The following PPP1CC variants were observed in gnomAD, a reference collection of about 807,000 sequenced individuals.
PPP1CC encodes serine/threonine-protein phosphatase PP1-gamma catalytic subunit.
PPP1CC carries 16 observed loss-of-function variants against 38.4 expected under a neutral mutation model. The observed-to-expected ratio is 0.42, with a 90% confidence interval of 0.28 to 0.63. The LOEUF (loss-of-function observed/expected upper bound fraction) is 0.63, where lower values mean the gene tolerates loss of function less well. Among genes scored for constraint, PPP1CC ranks in the 30% least tolerant of loss-of-function variants. The probability of loss-of-function intolerance (pLI) is 0.25; values close to 1 mark genes in which losing one functional copy is unlikely to be tolerated. For missense variants in PPP1CC, 170 were observed against 391.3 expected, an observed-to-expected ratio of 0.43 and a Z score of 4.77; for synonymous variants, 158 against 136.0, an observed-to-expected ratio of 1.16 and a Z score of -1.13.
the PPP1CC span, among the ~76,000 whole-genome samples, chr12:110,712,006 C>T: frequency 3.3e-5 from 5 of 152,008 alleles, no homozygotes; most frequent in East Asian, 5.8e-4. Flanking sequence ...AATGATGGAC[C>T]GCATATGTGA....
chr12:110,711,413 C>T, the PPP1CC span, among the ~76,000 whole-genome samples: 1 of 151,798 alleles, frequency 6.6e-6, no homozygotes, highest in Admixed American at 6.6e-5. Flanking sequence ...CAAAATTTAA[C>T]AGTATATTGC....
intron 4 of PPP1CC, among the ~76,000 whole-genome samples, chr12:110,723,645 G>A (rs1189438503): frequency 2.0e-5 from 3 of 152,054 alleles, no homozygotes; most frequent in South Asian, 2.1e-4. Flanking sequence ...AAATAGCTAC[G>A]GCTACAGGTG....
rs1033083339 is a variant in PPP1CC at position 110,742,844 on chromosome 12, A to AC, written c.-138dup. 1 of 542,740 alleles carries AC rather than the reference A, an allele frequency of 1.8e-6. No individual in the cohort carries two copies. Among genetic ancestry groups the AC allele is most frequent in the Non-Finnish European group, 2.9e-6 (1 of 344,922 alleles). The allele number at this position is 542,740 out of a possible 1,614,324, so 33.6% of individuals were successfully genotyped here. A position where few individuals can be genotyped will look rare whatever the true frequency, so the allele number is the denominator to read the frequency against. On this transcript the variant is annotated 5_prime_UTR_variant, in exon 1 of 7. Transcript: ENST00000335007. ...AGCCGCGGCGGGTCCCCCCCCTGCC[A>AC]CCCCGCTCCCTACTTCCTCCTTCTC... is the stretch of plus-strand genomic sequence containing the variant.
At chr12:110,742,444 C>T (rs994912033) in intron 1 of PPP1CC, among the ~76,000 whole-genome samples, 2 of 152,182 alleles carry the variant, frequency 1.3e-5, no homozygotes, top group African/African-American at 4.8e-5. Flanking sequence ...ATGAGCGGAG[C>T]CTGGAGGGTC....
intron 3 of PPP1CC, among the ~76,000 whole-genome samples, chr12:110,727,806 TC>T (rs963247083): frequency 6.6e-6 from 1 of 152,166 alleles, no homozygotes; most frequent in African/African-American, 2.4e-5. Context: ...AAGGGCACTT[TC>T]ATGCCCACAA....
intron 1 of PPP1CC, among the ~76,000 whole-genome samples, 191 bp downstream of exon 1, chr12:110,742,462 G>A (rs559197837): frequency 6.8e-4 from 103 of 152,278 alleles, no homozygotes; most frequent in African/African-American, 2.0e-3. Flanking sequence ...GTCCGCAGCT[G>A]GCGACAAGTT....
rs779378407 is a variant in PPP1CC at position 110,731,807 on chromosome 12, A to C, written c.150T>G (p.Pro50=). The change falls in exon 2 of 7, where the codon CCT becomes CCG. Residue 50 remains proline (P), a synonymous_variant. Transcript: ENST00000335007. The part of the protein sequence containing the change: ...LKSREIFLSQ[P]ILLELEAPLK... The stretch of plus-strand genomic sequence containing the variant: ...GTGGTGCTTCAAGTTCTAGTAGGAT[A>C]GGCTGACTGAGAAAGATTTCACGAG... 1 of 1,613,528 alleles carries C rather than the reference A, an allele frequency of 6.2e-7. No homozygotes were observed. The highest frequency in any genetic ancestry group is 8.5e-7 in the Non-Finnish European group (1 of 1,179,482).
rs1484750892 is a variant in PPP1CC at position 110,720,774 on chromosome 12, T to C, written c.*302A>G. ...GTTGTACTGAATTAAAAAAGATCAA[T>C]TGTACACTTACTCCTCAGACAGGAT... is the stretch of plus-strand genomic sequence containing the variant. On this transcript the variant is annotated 3_prime_UTR_variant, in exon 7 of 7. Transcript: ENST00000335007. 2 of 259,638 alleles carry C rather than the reference T, an allele frequency of 7.7e-6. No homozygotes were observed. Among genetic ancestry groups the C allele is most frequent in the South Asian group, 6.1e-5 (1 of 16,300 alleles). The allele number at this position is 259,638 out of a possible 1,614,324, so 16.1% of individuals were successfully genotyped here. A position where few individuals can be genotyped will look rare whatever the true frequency, so the allele number is the denominator to read the frequency against.
At chr12:110,723,913 C>A (rs1204134245) in intron 4 of PPP1CC, among the ~76,000 whole-genome samples, 3 of 152,108 alleles carry the variant, frequency 2.0e-5, no homozygotes, top group African/African-American at 7.2e-5. Flanking sequence ...ATCTCTGGCA[C>A]AACAAATTAC....
At chr12:110,718,209 A>G (rs183866685), downstream of PPP1CC, among the ~76,000 whole-genome samples, 1,032 of 152,098 alleles carry the variant, frequency 6.8e-3, 1 homozygote, top group Non-Finnish European at 9.3e-3. Context: ...TGTGCTGTCC[A>G]CTGCAACTAG....
intron 3 of PPP1CC, chr12:110,725,172 C>T (rs551820095): frequency 6.5e-5 from 10 of 153,046 alleles, no homozygotes; most frequent in African/African-American, 2.4e-4. Context: ...AAGCATGAAA[C>T]CAGAATTCCA....
intron 1 of PPP1CC, among the ~76,000 whole-genome samples, chr12:110,740,322 A>T (rs1260738212): frequency 6.6e-6 from 1 of 152,198 alleles, no homozygotes; most frequent in Non-Finnish European, 1.5e-5. Context: ...ACGGTGGCTC[A>T]TGACTATAAC....
At position 110,722,729 on chromosome 12, in the gene PPP1CC, G is replaced by C; in HGVS notation, c.524-34C>G. 6.5e-7 allele frequency: 1 copy of C among 1,528,300 alleles called. No homozygotes were observed. Among genetic ancestry groups the C allele is most frequent in the Non-Finnish European group, 8.9e-7 (1 of 1,126,380 alleles). 94.7% of individuals were successfully genotyped at this position (1,528,300 alleles called of 1,614,324 possible). On this transcript the variant is annotated intron_variant, in intron 4 of 6. Coordinates refer to ENST00000335007, the MANE Select transcript of PPP1CC (RefSeq NM_002710.4). This position sits in a 1 kb window ranked among gnomAD's most constrained non-coding sequence, Gnocchi z 5.4. Reference sequence around the variant, plus strand: ...TGAGGAAAAAAAAAAAATGAAGAAAGCAGAACTTTTAAAAGGATACTACCC... The same window carrying C: ...TGAGGAAAAAAAAAAAATGAAGAAACCAGAACTTTTAAAAGGATACTACCC...
intron 3 of PPP1CC, chr12:110,725,064 G>A (rs1444423422): frequency 1.0e-5 from 2 of 192,712 alleles, no homozygotes; most frequent in African/African-American, 2.4e-5. Flanking sequence ...TCTCTTTAAA[G>A]AAAGACTCTC....
chr12:110,716,947 G>A (rs2069692397), downstream of PPP1CC, among the ~76,000 whole-genome samples: 1 of 152,224 alleles, frequency 6.6e-6, no homozygotes, highest in Non-Finnish European at 1.5e-5. Context: ...GGCTGAAGGT[G>A]TTGATAGTCC....
Position 110,732,088 on chromosome 12 carries a change from T to C in PPP1CC, c.56-187A>G, listed in dbSNP as rs1379966325. 3 of 621,312 alleles carry C rather than the reference T, an allele frequency of 4.8e-6. No individual in the cohort carries two copies. The African/African-American group carries it at 5.6e-5, about 12-fold the overall frequency. The allele number at this position is 621,312 out of a possible 1,614,324, so 38.5% of individuals were successfully genotyped here. Reference sequence around the variant, plus strand: ...AAATCTTAGACAAGACTTAATTGCATCTTCGATACCAAGTAAGACTTCTTT... The same window carrying C: ...AAATCTTAGACAAGACTTAATTGCACCTTCGATACCAAGTAAGACTTCTTT... On this transcript the variant is annotated intron_variant, in intron 1 of 6. Transcript: ENST00000335007.
At chr12:110,730,129 C>T (rs958729216) in intron 3 of PPP1CC, among the ~76,000 whole-genome samples, 13 of 152,222 alleles carry the variant, frequency 8.5e-5, no homozygotes, top group Admixed American at 2.6e-4. Context: ...GTGGCCTAGG[C>T]GGGCAGATTC....
At chr12:110,711,803 T>C in the PPP1CC span, among the ~76,000 whole-genome samples, 1 of 152,150 alleles carries the variant, frequency 6.6e-6, no homozygotes, top group Admixed American at 6.5e-5. Flanking sequence ...TGCATGCATG[T>C]GGTCCCAGCT....
the PPP1CC span, among the ~76,000 whole-genome samples, chr12:110,713,491 T>TA: frequency 5.1e-3 from 769 of 152,188 alleles, 14 homozygotes; most frequent in African/African-American, 0.017. Flanking sequence ...ATTTGGATCT[T>TA]AGACAAGGCA....
Sources: gnomAD v4.1 joint callset for allele counts (sites outside exome capture counted in the v4.1 genomes callset) on GRCh38, gnomAD v4.1.1 for gene constraint, Gnocchi (gnomAD v3.1) non-coding constraint, MANE v1.5 for transcripts, NCBI Gene and HGNC (gene_info 2026-07-23, HGNC 2026-07-21) for gene names.